IQSEC1: variants seen among roughly 807,000 people sequenced by gnomAD.
IQSEC1 encodes IQ motif and SEC7 domain-containing protein 1.
A neutral mutation model predicts 91.0 loss-of-function variants in IQSEC1; 31 were observed. The ratio of observed to expected loss-of-function variants is 0.34; its 90% CI spans 0.26 to 0.46. The LOEUF is 0.46. Among genes scored for constraint, IQSEC1 ranks in the 20% least tolerant of loss-of-function variants. The probability of loss-of-function intolerance (pLI) is 1.00; values close to 1 mark genes in which losing one functional copy is unlikely to be tolerated. For missense variants in IQSEC1, 1,388 were observed against 1,575.6 expected (o/e 0.88, Z 2.02); for synonymous variants, 699 against 662.6 (o/e 1.05, Z -0.84).
Position 12,967,249 on chromosome 3 carries a change from C to T in IQSEC1, c.24-25384G>A. The T allele has an allele frequency of 1.4e-6, 1 of 690,338 alleles. No homozygotes were observed. The highest frequency in any genetic ancestry group is 2.3e-6 in the Non-Finnish European group (1 of 435,708). The allele number at this position is 690,338 out of a possible 1,614,324, so 42.8% of individuals were successfully genotyped here. On this transcript the variant is annotated intron_variant, in intron 1 of 13. Transcript: ENST00000613206. This position sits in a 1 kb window ranked among gnomAD's most constrained non-coding sequence, Gnocchi z 5.9. Reference sequence around the variant, plus strand: ...CCACAGTCTGGCGGACGCACCCCGCCCCGCAGGCAGCTTTCTCTCGCACGC... The same window carrying T: ...CCACAGTCTGGCGGACGCACCCCGCTCCGCAGGCAGCTTTCTCTCGCACGC...
chr3:13,081,496 T>C (rs56301739), intron 2 of IQSEC1, among the ~76,000 whole-genome samples: 27,836 of 152,138 alleles, frequency 0.18, 2,865 homozygotes, highest in East Asian at 0.28. Flanking sequence ...CTCAAGCTCC[T>C]GGCACCAATG....
intron 1 of IQSEC1, among the ~76,000 whole-genome samples, chr3:12,961,503 A>G (rs997483992): frequency 6.6e-6 from 1 of 152,224 alleles, no homozygotes; most frequent in African/African-American, 2.4e-5. Context: ...CCATGGGCTT[A>G]GTCACTTCTT....
intron 1 of IQSEC1, among the ~76,000 whole-genome samples, chr3:13,067,428 C>T (rs360867): frequency 0.65 from 98,749 of 152,110 alleles, 32,417 homozygotes; most frequent in East Asian, 0.86. Flanking sequence ...GGGCTCCCAG[C>T]CACTGTGGGA....
intron 1 of IQSEC1, among the ~76,000 whole-genome samples, chr3:12,945,915 A>C (rs1363521736): frequency 6.6e-6 from 1 of 152,204 alleles, no homozygotes; most frequent in Non-Finnish European, 1.5e-5. Context: ...AATGATGTGG[A>C]CGCTTGACTA....
chr3:12,917,866 G>A (rs1434894883), intron 6 of IQSEC1, among the ~76,000 whole-genome samples: 1 of 152,206 alleles, frequency 6.6e-6, no homozygotes, highest in Non-Finnish European at 1.5e-5. Context: ...AACAAGGAAA[G>A]ACTCCTGGAC....
intron 1 of IQSEC1, among the ~76,000 whole-genome samples, chr3:13,236,910 G>C (rs1331353227): frequency 6.6e-6 from 1 of 151,492 alleles, no homozygotes; most frequent in Non-Finnish European, 1.5e-5. Context: ...CCCCCCTCCA[G>C]CCAGGTTTTG....
intron 1 of IQSEC1, among the ~76,000 whole-genome samples, chr3:13,183,637 T>C (rs188542809): frequency 3.9e-5 from 6 of 152,274 alleles, no homozygotes; most frequent in East Asian, 1.9e-4. Flanking sequence ...GTCAGTAAAA[T>C]TGAGTACCCT....
intron 2 of IQSEC1, among the ~76,000 whole-genome samples, chr3:13,117,446 C>T (rs945700476): frequency 3.3e-5 from 5 of 150,922 alleles, no homozygotes; most frequent in East Asian, 1.9e-4. Flanking sequence ...ATTAACCGGG[C>T]GTGGTGGCGT....
At chr3:13,090,693 G>A (rs1262279391) in intron 2 of IQSEC1, among the ~76,000 whole-genome samples, 4 of 152,204 alleles carry the variant, frequency 2.6e-5, no homozygotes, top group Non-Finnish European at 5.9e-5. Context: ...CCACAGCCTG[G>A]TGTTGATTTA....
At chr3:13,139,967 T>C (rs1706773716) in intron 2 of IQSEC1, among the ~76,000 whole-genome samples, 1 of 152,176 alleles carries the variant, frequency 6.6e-6, no homozygotes, top group African/African-American at 2.4e-5. Flanking sequence ...AAAACAAGAT[T>C]GCTCAGATTC....
chr3:13,089,041 C>T (rs1705789627), intron 2 of IQSEC1, among the ~76,000 whole-genome samples: 2 of 152,238 alleles, frequency 1.3e-5, no homozygotes, highest in African/African-American at 2.4e-5. Context: ...AGTATTGTAA[C>T]GACAGGTGTG....
intron 2 of IQSEC1, among the ~76,000 whole-genome samples, chr3:12,939,979 C>A (rs555578873): frequency 6.6e-6 from 1 of 152,192 alleles, no homozygotes; most frequent in African/African-American, 2.4e-5. Context: ...GCATAGTGGG[C>A]GTTCAGATAA....
chr3:12,967,482 G>A lies in IQSEC1; in HGVS notation c.24-25617C>T. 6.7e-7 allele frequency: 1 copy of A among 1,499,136 alleles called. No individual in the cohort carries two copies. Among genetic ancestry groups the A allele is most frequent in the Non-Finnish European group, 8.8e-7 (1 of 1,130,032 alleles). The allele number at this position is 1,499,136 out of a possible 1,614,324, so 92.9% of individuals were successfully genotyped here. A position where few individuals can be genotyped will look rare whatever the true frequency, so the allele number is the denominator to read the frequency against. On this transcript the variant is annotated intron_variant, in intron 1 of 13. Transcript: ENST00000613206. This position sits in a 1 kb window ranked among gnomAD's most constrained non-coding sequence, Gnocchi z 5.9. ...CCGCAGTGGGAGCGGGCCGGGCCGG[G>A]AGCCGGGACCCAGGCCCAGCAGAGG... is the stretch of plus-strand genomic sequence containing the variant.
chr3:13,022,271 C>T, intron 1 of IQSEC1: 1 of 1,220,736 alleles, frequency 8.2e-7, no homozygotes, highest in Non-Finnish European at 1.0e-6. Flanking sequence ...AGAGGAGGCA[C>T]TGGCTGCCAC....
Position 12,901,506 on chromosome 3 carries a change from C to G in IQSEC1, c.2822G>C (p.Ser941Thr). Residue 941 changes from serine (S) to threonine (T), a missense_variant, in exon 14 of 14, where the codon AGT becomes ACT. By Grantham distance (58) the Ser-to-Thr change is moderately conservative. Coordinates refer to ENST00000613206, the MANE Select transcript of IQSEC1 (RefSeq NM_001134382.3). Reference sequence around the variant, plus strand: ...TGTAGCTCTCCGGCGCATGTGAGGACTGCTAATGATGGACCCCTAAAAAGG... The same window carrying G: ...TGTAGCTCTCCGGCGCATGTGAGGAGTGCTAATGATGGACCCCTAAAAAGG... ...ESNVEGSIISSPHMRRRATST... is the reference protein window; with the variant it reads ...ESNVEGSIISTPHMRRRATST... 2 of 1,549,894 alleles carry G rather than the reference C, an allele frequency of 1.3e-6. No homozygotes were observed. Among genetic ancestry groups the G allele is most frequent in the Non-Finnish European group, 1.7e-6 (2 of 1,146,810 alleles).
At chr3:12,986,984 T>C in intron 1 of IQSEC1, 1 of 441,870 alleles carries the variant, frequency 2.3e-6, no homozygotes, top group Non-Finnish European at 4.6e-6. Context: ...GGTCCAGTGC[T>C]GTGGGTGGGG....
intron 2 of IQSEC1, among the ~76,000 whole-genome samples, chr3:13,156,253 A>T (rs900182932): frequency 3.2e-4 from 49 of 152,066 alleles, no homozygotes; most frequent in African/African-American, 1.1e-3. Context: ...AATTAAAAAT[A>T]AAATAAATAA....
At chr3:12,962,322 C>T (rs1472972940) in intron 1 of IQSEC1, among the ~76,000 whole-genome samples, 3 of 152,238 alleles carry the variant, frequency 2.0e-5, no homozygotes, top group African/African-American at 7.2e-5. Flanking sequence ...ATACCACCTA[C>T]CCTCCCAGCC....
intron 1 of IQSEC1, among the ~76,000 whole-genome samples, chr3:13,061,633 G>T (rs1576226505): frequency 6.6e-6 from 1 of 152,242 alleles, no homozygotes; most frequent in Middle Eastern, 3.4e-3. Flanking sequence ...CCGTCCGGTG[G>T]GGGTGCTGGG....
Sources: allele counts gnomAD v4.1 joint callset (sites outside exome capture counted in the v4.1 genomes callset), GRCh38; gene constraint gnomAD v4.1.1; non-coding constraint Gnocchi (gnomAD v3.1); transcripts MANE v1.5; gene names NCBI Gene and HGNC (gene_info 2026-07-23, HGNC 2026-07-21).